CCDC73: variants seen among roughly 807,000 people sequenced by gnomAD.
The protein encoded by CCDC73 is coiled-coil domain-containing protein 73.
In CCDC73, 95 loss-of-function variants were observed where a neutral mutation model predicts 116.5. That is an observed-to-expected ratio of 0.82 (90% CI 0.69 to 0.97). The LOEUF (loss-of-function observed/expected upper bound fraction) is 0.97. CCDC73 is among the 50% of genes least tolerant of loss of function. The probability of loss-of-function intolerance (pLI) is 0.00; values close to 1 mark genes in which losing one functional copy is unlikely to be tolerated. For synonymous variants in CCDC73, 398 were observed against 401.3 expected, an observed-to-expected ratio of 0.99 and a Z score of 0.10; for missense variants, 1,066 against 1,206.8, an observed-to-expected ratio of 0.88 and a Z score of 1.73.
At chr11:32,619,760 AGAT>A (rs1228540503) in intron 14 of CCDC73, among the ~76,000 whole-genome samples, 5 of 151,208 alleles carry the variant, frequency 3.3e-5, no homozygotes, top group African/African-American at 1.2e-4. Flanking sequence ...GAGGAGGAGG[AGAT>A]GAAGAAGGAG....
At chr11:32,681,267 CAATTATT>C (rs1856140245) in intron 7 of CCDC73, 1 of 151,954 alleles carries the variant, frequency 6.6e-6, no homozygotes, top group South Asian at 2.1e-4. Flanking sequence ...CCGATAAATT[CAATTATT>C]ACCCAACATG....
rs554024254 is a variant in CCDC73, at chr11:32,669,476, C to T, written c.645+6089G>A. The stretch of plus-strand genomic sequence containing the variant: ...GTTTGTGTTATAAAAAATCCAATTA[C>T]TATTTAGTTATTTTTAAATATACAA... On this transcript the variant is annotated intron_variant, in intron 9 of 17. Transcript: ENST00000335185. Among the ~76,000 whole-genome samples the T allele has an allele frequency of 7.9e-5, 12 of 152,238 alleles. No individual in the cohort carries two copies. In the South Asian group the frequency reaches 2.3e-3, roughly 29 times the overall value.
chr11:32,704,347 A>G (rs1160377250), intron 3 of CCDC73, among the ~76,000 whole-genome samples: 2 of 152,194 alleles, frequency 1.3e-5, no homozygotes, highest in Non-Finnish European at 2.9e-5. Flanking sequence ...AGTTGTGGAC[A>G]TGTCCTGATA....
intron 14 of CCDC73, among the ~76,000 whole-genome samples, chr11:32,632,247 A>T (rs1168637572): frequency 2.0e-5 from 3 of 151,992 alleles, no homozygotes; most frequent in Non-Finnish European, 2.9e-5. Context: ...TTTCTTTGAG[A>T]CGGAGTCTCA....
intron 3 of CCDC73, among the ~76,000 whole-genome samples, chr11:32,713,075 T>C (rs1031360887): frequency 2.4e-4 from 36 of 152,130 alleles, no homozygotes; most frequent in African/African-American, 8.0e-4. Flanking sequence ...TCAGTCTCTG[T>C]CTAAGCAATA....
chr11:32,807,785 A>G, the CCDC73 span, among the ~76,000 whole-genome samples: 5 of 152,192 alleles, frequency 3.3e-5, 1 homozygote, highest in East Asian at 7.7e-4. Context: ...ATTGTGCAAA[A>G]GTAGCCACAG....
intron 6 of CCDC73, among the ~76,000 whole-genome samples, chr11:32,692,068 A>T (rs1280980540): frequency 6.6e-6 from 1 of 151,392 alleles, no homozygotes; most frequent in Non-Finnish European, 1.5e-5. Flanking sequence ...AAAAAAAAAA[A>T]AAAGCCATCA....
At chr11:32,608,212 A>C (rs1376563358) in intron 17 of CCDC73, among the ~76,000 whole-genome samples, 2 of 152,104 alleles carry the variant, frequency 1.3e-5, no homozygotes, top group Non-Finnish European at 2.9e-5. Flanking sequence ...CACTCCCCCA[A>C]AGTCTTACTT....
rs146609940 is a variant in CCDC73, at chr11:32,676,657, T to G, written c.430-636A>C. Among the ~76,000 whole-genome samples the G allele has an allele frequency of 5.8e-3, 880 of 152,284 alleles. 5 individuals are homozygous for G. Among genetic ancestry groups the G allele is most frequent in the African/African-American group, 0.02 (828 of 41,568 alleles). ...CAAGTTATCTGGGCATGGTGGCACA[T>G]GCCTGTAGTCCTAGCTACTTGGGAA... On this transcript the variant is annotated intron_variant, in intron 7 of 17. Coordinates refer to ENST00000335185, the MANE Select transcript of CCDC73 (RefSeq NM_001008391.4).
At chr11:32,715,311 T>C (rs1308429169) in intron 3 of CCDC73, among the ~76,000 whole-genome samples, 1 of 152,182 alleles carries the variant, frequency 6.6e-6, no homozygotes, top group African/African-American at 2.4e-5. Flanking sequence ...TGGTTTAATA[T>C]AGGTATTCCT....
At chr11:32,733,279 G>A (rs1319425255) in intron 2 of CCDC73, among the ~76,000 whole-genome samples, 1 of 152,136 alleles carries the variant, frequency 6.6e-6, no homozygotes, top group Non-Finnish European at 1.5e-5. Context: ...CAAGTCCTTA[G>A]AGACCTACAA....
rs765622831 is a variant in CCDC73, at chr11:32,635,802, T to A, written c.1079A>T (p.Lys360Met). ...AAGGGATGATAATTCATTTTTAATC[T>A]TATTAATTTCTCCATTAAGTTCTTC... ...HAEELNGEIN[K>M]IKNELSSLKE... The change falls in exon 14 of 18, where the codon AAG becomes ATG. Residue 360 changes from lysine (K) to methionine (M), a missense_variant. Transcript: ENST00000335185. The A allele has an allele frequency of 8.2e-7, 1 of 1,220,634 alleles. No individual in the cohort carries two copies. Among genetic ancestry groups the A allele is most frequent in the Admixed American group, 3.3e-5 (1 of 30,228 alleles). The allele number at this position is 1,220,634 out of a possible 1,614,324, so 75.6% of individuals were successfully genotyped here. A position where few individuals can be genotyped will look rare whatever the true frequency, so the allele number is the denominator to read the frequency against.
chr11:32,716,408 T>C (rs1392047801), intron 3 of CCDC73, among the ~76,000 whole-genome samples: 4 of 152,224 alleles, frequency 2.6e-5, no homozygotes, highest in African/African-American at 9.7e-5. Flanking sequence ...CAAGCTATTT[T>C]AATTATGACA....
intron 1 of CCDC73, among the ~76,000 whole-genome samples, chr11:32,789,996 G>T (rs1220007142): frequency 6.6e-6 from 1 of 152,000 alleles, no homozygotes; most frequent in East Asian, 1.9e-4. Flanking sequence ...ATTAGATAAG[G>T]GTATTTTAGA....
intron 13 of CCDC73, among the ~76,000 whole-genome samples, chr11:32,638,206 C>G (rs1258614084): frequency 6.6e-6 from 1 of 152,180 alleles, no homozygotes; most frequent in Non-Finnish European, 1.5e-5. Flanking sequence ...TTACAACATT[C>G]TTCTTATTGA....
At chr11:32,828,533 G>A in the CCDC73 span, among the ~76,000 whole-genome samples, 4 of 151,350 alleles carry the variant, frequency 2.6e-5, no homozygotes, top group Admixed American at 2.6e-4. Flanking sequence ...AAAAAATGAA[G>A]GGGGAAAAAA....
At chr11:32,787,406 T>C (rs902506139) in intron 1 of CCDC73, among the ~76,000 whole-genome samples, 9 of 152,172 alleles carry the variant, frequency 5.9e-5, no homozygotes, top group African/African-American at 2.2e-4. Context: ...GGCTTTGACA[T>C]TAGCTAAAAC....
intron 13 of CCDC73, among the ~76,000 whole-genome samples, chr11:32,637,708 T>C (rs1236735673): frequency 6.6e-6 from 1 of 152,122 alleles, no homozygotes; most frequent in Non-Finnish European, 1.5e-5. Context: ...TTTCTTCTTT[T>C]TTCTTGCTTC....
At chr11:32,651,325 C>A (rs1855824227) in intron 12 of CCDC73, among the ~76,000 whole-genome samples, 1 of 152,182 alleles carries the variant, frequency 6.6e-6, no homozygotes, top group South Asian at 2.1e-4. Flanking sequence ...TGCCAACCTG[C>A]AACAAAGACA....
Sources: gnomAD v4.1 joint callset for allele counts (sites outside exome capture counted in the v4.1 genomes callset) on GRCh38, gnomAD v4.1.1 for gene constraint, MANE v1.5 for transcripts, NCBI Gene and HGNC (gene_info 2026-07-23, HGNC 2026-07-21) for gene names.